ADGRG1: variants seen among roughly 807,000 people sequenced by gnomAD.
ADGRG1 encodes 7-transmembrane protein with no EGF-like N-terminal domains-1.
ADGRG1 carries 53 observed loss-of-function variants against 73.5 expected under a neutral mutation model. The observed-to-expected ratio is 0.72, with a 90% confidence interval of 0.58 to 0.91. The LOEUF (loss-of-function observed/expected upper bound fraction) is 0.91. ADGRG1 is among the 40% of genes least tolerant of loss of function. The pLI, the probability that ADGRG1 is intolerant of heterozygous loss-of-function variation, is 0.00. For missense variants in ADGRG1, 795 were observed against 871.8 expected (o/e 0.91, Z 1.11); for synonymous variants, 394 against 374.4 (o/e 1.05, Z -0.60).
chr16:57,659,318 G>T (rs1396059168), intron 10 of ADGRG1, 95 bp from the exon 11 acceptor site: 6 of 1,600,426 alleles, frequency 3.7e-6, no homozygotes, highest in Middle Eastern at 1.8e-4. Flanking sequence ...GTGTCGGGGT[G>T]GGGGGCAGTC....
intron 5 of ADGRG1, 36 bp downstream of exon 5, chr16:57,654,169 T>C (rs201140291): frequency 2.5e-6 from 4 of 1,599,812 alleles, no homozygotes; most frequent in East Asian, 2.2e-5. Flanking sequence ...CAGATGCGGG[T>C]TGGGCCGGGG....
In ADGRG1 at chr16:57,653,325, C is replaced by G. The variant is rs1173461262; in HGVS notation, c.610C>G (p.Pro204Ala). 6.2e-7 allele frequency: 1 copy of G among 1,609,482 alleles called. No homozygotes were observed. The highest frequency in any genetic ancestry group is 1.1e-5 in the South Asian group (1 of 91,070). The change falls in exon 4 of 14, where the codon CCC becomes GCC. Residue 204 changes from proline to alanine, a missense_variant. Physicochemically the swap from Pro to Ala is conservative, Grantham distance 27. Coordinates refer to ENST00000562631, the MANE Select transcript of ADGRG1 (RefSeq NM_201525.4). ...QKASRRPSAA[P>A]ASQQLQSLES... is the part of the protein sequence containing the mutation. ...GGCCTCAAGGAGGCCCTCGGCTGCC[C>G]CCGCCAGCCAGTAAGTTTGGCACCT...
chr16:57,660,829 C>T lies in ADGRG1; in HGVS notation c.1617C>T (p.Ile539=). The T allele has an allele frequency of 6.2e-7, 1 of 1,613,050 alleles. No homozygotes were observed. The highest frequency in any genetic ancestry group is 8.5e-7 in the Non-Finnish European group (1 of 1,179,068). The part of the protein sequence containing the change: ...ALVDVDNYGP[I]ILAVHRTPEG... ...TGGATGTGGACAACTATGGCCCCAT[C>T]ATCTTGGCTGTGCATAGGACTCCAG... Residue 539 remains isoleucine, a synonymous_variant, in exon 12 of 14, where the codon ATC becomes ATT. Transcript: ENST00000562631.
At position 57,651,430 on chromosome 16, in the gene ADGRG1, G is replaced by T. The variant is rs942551603; in HGVS notation, c.295G>T (p.Gly99Trp). 6.2e-7 allele frequency: 1 copy of T among 1,614,218 alleles called. No individual in the cohort carries two copies. The highest frequency in any genetic ancestry group is 1.1e-5 in the South Asian group (1 of 91,084). The change falls in exon 3 of 14, where the codon GGG becomes TGG. Residue 99 changes from glycine (G) to tryptophan (W), a missense_variant. Gly to Trp is a radical substitution (Grantham distance 184). Transcript: ENST00000562631. The part of the protein sequence containing the change: ...HFCLYWNRHA[G>W]RLHLLYGKRD... Reference sequence around the variant, plus strand: ...CTGCCTCTACTGGAACCGACATGCTGGGAGATTACATCTTCTCTATGGCAA... The same window carrying T: ...CTGCCTCTACTGGAACCGACATGCTTGGAGATTACATCTTCTCTATGGCAA...
Position 57,644,534 on chromosome 16 carries a change from T to G in ADGRG1, c.-35-5719T>G, listed in dbSNP as rs1209849072. Among the ~76,000 whole-genome samples, 3 of 105,864 alleles carry G rather than the reference T, an allele frequency of 2.8e-5. No individual in the cohort carries two copies. In the Admixed American group the frequency reaches 3.3e-4, roughly 12 times the overall value. The allele number at this position is 105,864 out of a possible 152,430, so 69.5% of individuals were successfully genotyped here. A position where few individuals can be genotyped will look rare whatever the true frequency, so the allele number is the denominator to read the frequency against. ...TGGGCACACACACTCATCACACACA[T>G]GCGCAGGCACACACATGCACACACG... On this transcript the variant is annotated intron_variant, in intron 1 of 13. Coordinates refer to ENST00000562631, the MANE Select transcript of ADGRG1 (RefSeq NM_201525.4).
Position 57,630,512 on chromosome 16 carries a change from T to TAGGCCTGGG in ADGRG1, c.-36+1711_-36+1719dup, listed in dbSNP as rs1295147662. On this transcript the variant is annotated intron_variant, in intron 1 of 13. Coordinates refer to ENST00000562631, the MANE Select transcript of ADGRG1 (RefSeq NM_201525.4). ...GTGATCACAGCTGCCCTGGCTCCCG[T>TAGGCCTGGG]AGGCCTGGGGCTTGGCTCCGAGAGT... 83 of 985,446 alleles carry TAGGCCTGGG rather than the reference T, an allele frequency of 8.4e-5. No individual in the cohort carries two copies. In the African/African-American group the frequency reaches 1.2e-3, roughly 15 times the overall value. 61.0% of individuals were successfully genotyped at this position (985,446 alleles called of 1,614,324 possible).
chr16:57,629,869 G>A (rs1597068177), intron 1 of ADGRG1: 1 of 254,378 alleles, frequency 3.9e-6, no homozygotes, highest in African/African-American at 2.3e-5. Flanking sequence ...CCCCTGCGTG[G>A]TAGAGTTGGG....
intron 1 of ADGRG1, chr16:57,647,173 C>G: frequency 2.0e-6 from 2 of 985,342 alleles, no homozygotes; most frequent in Non-Finnish European, 2.4e-6. Context: ...ACAGTGTCCC[C>G]CTGCCCAATC....
chr16:57,648,534 T>G (rs1363177378), intron 1 of ADGRG1: 2 of 974,172 alleles, frequency 2.1e-6, no homozygotes, highest in African/African-American at 3.5e-5. Flanking sequence ...GGGGCCAGGT[T>G]TATTTGAGGG....
At chr16:57,626,488 C>A, upstream of ADGRG1, 2 of 586,706 alleles carry the variant, frequency 3.4e-6, no homozygotes, top group Non-Finnish European at 4.3e-6. Context: ...TGGGGGCCTG[C>A]TTCCTCACCT....
At chr16:57,644,212 G>A (rs1270826746) in intron 1 of ADGRG1, 9 of 984,218 alleles carry the variant, frequency 9.1e-6, no homozygotes, top group South Asian at 4.7e-5. Context: ...GTGTATGCAC[G>A]GGCACACGCA....
chr16:57,633,761 T>C (rs1424398185), intron 1 of ADGRG1, among the ~76,000 whole-genome samples: 1 of 152,244 alleles, frequency 6.6e-6, no homozygotes, highest in Non-Finnish European at 1.5e-5. Flanking sequence ...TTCTGGGCCA[T>C]GACCAAGCCT....
chr16:57,641,306 G>C (rs1444078461), intron 1 of ADGRG1: 26 of 985,302 alleles, frequency 2.6e-5, no homozygotes, highest in African/African-American at 1.7e-4. Flanking sequence ...GGCAGGTACT[G>C]ACTGGTGTGT....
At chr16:57,655,334 T>TGC (rs1555551919) in intron 5 of ADGRG1, 65 bp from the exon 6 acceptor site, 71 of 1,572,982 alleles carry the variant, frequency 4.5e-5, no homozygotes, top group African/African-American at 1.3e-4. Context: ...TGTGTGTGTG[T>TGC]GCTAGGGTGG....
rs779883079 is a variant in ADGRG1, at chr16:57,651,490, C to G, written c.355C>G (p.Leu119Val). ...CTTGCTGAGTGACAAAGCCTCTAGC[C>G]TCCTCTGCTTCCAGCACCAGGAGGA... ...DFLLSDKASS[L>V]LCFQHQEESL... is the part of the protein sequence containing the mutation. Residue 119 changes from leucine to valine, a missense_variant, in exon 3 of 14, where the codon CTC becomes GTC. Coordinates refer to ENST00000562631, the MANE Select transcript of ADGRG1 (RefSeq NM_201525.4). 3 of 1,614,256 alleles carry G rather than the reference C, an allele frequency of 1.9e-6. No homozygotes were observed. Among genetic ancestry groups the G allele is most frequent in the Non-Finnish European group, 2.5e-6 (3 of 1,180,042 alleles).
At chr16:57,627,056 A>C (rs2035982244), upstream of ADGRG1, 1 of 984,050 alleles carries the variant, frequency 1.0e-6, no homozygotes, top group Non-Finnish European at 1.2e-6. Context: ...GGGGACTGTG[A>C]ATGTGGGAAG....
intron 1 of ADGRG1, chr16:57,637,367 T>C: frequency 2.0e-6 from 2 of 984,966 alleles, no homozygotes; most frequent in Non-Finnish European, 2.4e-6. Flanking sequence ...TTAGGGACTA[T>C]GGGTGGGGCT....
chr16:57,628,698 C>T lies in ADGRG1; in HGVS notation c.-140C>T. Reference sequence around the variant, plus strand: ...AGCCTCCCACGCTCTCCAGCTCACTCGGCAGGCAGCGGGGACCAGGGCTGG... The same window carrying T: ...AGCCTCCCACGCTCTCCAGCTCACTTGGCAGGCAGCGGGGACCAGGGCTGG... On this transcript the variant is annotated 5_prime_UTR_variant, in exon 1 of 14. Transcript: ENST00000562631. 4.1e-6 allele frequency: 4 copies of T among 985,504 alleles called. No homozygotes were observed. Among genetic ancestry groups the T allele is most frequent in the Non-Finnish European group, 3.6e-6 (3 of 829,970 alleles). The allele number at this position is 985,504 out of a possible 1,614,324, so 61.0% of individuals were successfully genotyped here.
At chr16:57,619,808 G>A (rs560331272), upstream of ADGRG1, 12 of 152,498 alleles carry the variant, frequency 7.9e-5, no homozygotes, top group African/African-American at 2.9e-4. Context: ...GAGACCCAGA[G>A]AACCCAAGGA....
Sources: allele counts gnomAD v4.1 joint callset (sites outside exome capture counted in the v4.1 genomes callset), GRCh38; gene constraint gnomAD v4.1.1; transcripts MANE v1.5; gene names NCBI Gene and HGNC (gene_info 2026-07-23, HGNC 2026-07-21).